The following ZBTB49 variants were observed in gnomAD, a reference collection of about 807,000 sequenced individuals.
The protein encoded by ZBTB49 is zinc finger and BTB domain containing 49.
ZBTB49 carries 43 observed loss-of-function variants against 57.5 expected under a neutral mutation model. The observed-to-expected ratio is 0.75, with a 90% CI of 0.59 to 0.97. ZBTB49 has a LOEUF of 0.97. ZBTB49 is among the 50% of genes least tolerant of loss of function. The pLI is 0.00. For missense variants in ZBTB49, 938 were observed against 947.7 expected (o/e 0.99, Z 0.13); for synonymous variants, 369 against 362.1 (o/e 1.02, Z -0.22).
chr4:4,300,880 T>A (rs1560106827), intron 2 of ZBTB49, among the ~76,000 whole-genome samples: 1 of 152,136 alleles, frequency 6.6e-6, no homozygotes, highest in Non-Finnish European at 1.5e-5. Flanking sequence ...CTTTTTTTTT[T>A]AAAGTACTTT....
chr4:4,313,081 A>G lies in ZBTB49; in HGVS notation c.1343A>G (p.Glu448Gly). 6.2e-7 allele frequency: 1 copy of G among 1,614,226 alleles called. No homozygotes were observed. Residue 448 changes from glutamate to glycine, a missense_variant, in exon 5 of 8, where the codon GAA (glutamate) becomes GGA (glycine). Physicochemically the swap from Glu to Gly is moderately conservative, Grantham distance 98 (BLOSUM62 -2). Around this residue, in one of 3 missense-constraint regions of ZBTB49, gnomAD observed 835 missense variants for 819.1 expected, o/e 1.02. Coordinates refer to ENST00000337872, the MANE Select transcript of ZBTB49 (RefSeq NM_145291.4). ...ACTCACTTACGACGGCATTCTGGTG[A>G]AAAACCATACATCTGCGAGATCTGT... Reference protein sequence around the residue: ...LQTHLRRHSGEKPYICEICGK... With the variant: ...LQTHLRRHSGGKPYICEICGK...
intron 4 of ZBTB49, among the ~76,000 whole-genome samples, chr4:4,312,308 T>C (rs1721009781): frequency 6.6e-6 from 1 of 152,236 alleles, no homozygotes; most frequent in African/African-American, 2.4e-5. Flanking sequence ...TTTTTAAATA[T>C]CTGAGGCATT....
chr4:4,317,798 G>A (rs971391808), intron 7 of ZBTB49, among the ~76,000 whole-genome samples: 1 of 152,104 alleles, frequency 6.6e-6, no homozygotes, highest in South Asian at 2.1e-4. Flanking sequence ...TCTCAAGTCT[G>A]CCTTCCCTGT....
chr4:4,306,817 T>C (rs76783116), intron 4 of ZBTB49, among the ~76,000 whole-genome samples: 1 of 152,222 alleles, frequency 6.6e-6, no homozygotes, highest in South Asian at 2.1e-4. Context: ...TTCACCGCCA[T>C]GTGCAGTGCC....
In ZBTB49 at chr4:4,302,541, A is replaced by G. The variant is rs752216577; in HGVS notation, c.705A>G (p.Arg235=). ...HKHAAGPSQE[R]VVEQPFAFST... Reference sequence around the variant, plus strand: ...ACGCAGCTGGTCCCAGTCAGGAGAGAGTTGTTGAGCAGCCTTTTGCTTTCA... The same window carrying G: ...ACGCAGCTGGTCCCAGTCAGGAGAGGGTTGTTGAGCAGCCTTTTGCTTTCA... The change falls in exon 3 of 8, where the codon AGA becomes AGG. Residue 235 remains arginine, a synonymous_variant. Coordinates refer to ENST00000337872, the MANE Select transcript of ZBTB49 (RefSeq NM_145291.4). The G allele has an allele frequency of 2.5e-6, 4 of 1,614,010 alleles. No individual in the cohort carries two copies. The highest frequency in any genetic ancestry group is 1.1e-5 in the South Asian group (1 of 91,066).
intron 5 of ZBTB49, among the ~76,000 whole-genome samples, chr4:4,314,369 T>A (rs1003748850): frequency 7.9e-5 from 12 of 152,190 alleles, no homozygotes; most frequent in Non-Finnish European, 1.5e-4. Context: ...TGTGTTTATT[T>A]TTTATTTATT....
intron 4 of ZBTB49, among the ~76,000 whole-genome samples, chr4:4,311,336 C>T (rs1720973188): frequency 6.6e-6 from 1 of 152,204 alleles, no homozygotes; most frequent in African/African-American, 2.4e-5. Flanking sequence ...AACAGTTCAG[C>T]AGATGGTGCT....
rs1165343841 is a variant in ZBTB49, at chr4:4,302,034, C to T, written c.198C>T (p.His66=). The T allele has an allele frequency of 1.3e-6, 2 of 1,590,784 alleles. No individual in the cohort carries two copies. The highest frequency in any genetic ancestry group is 4.5e-5 in the East Asian group (2 of 44,462). ...CAAGCCAGAAGAATGATGTTTTTCA[C>T]TTGGATGTTAAAAATGTCAGTGGCA... ...NSSSQKNDVF[H]LDVKNVSGIG... Residue 66 remains histidine (H), a synonymous_variant, in exon 3 of 8, where the codon CAC becomes CAT. Transcript: ENST00000337872.
rs973633581 is a variant in ZBTB49 at position 4,297,296 on chromosome 4, C to T, written c.-19-2631C>T. On this transcript the variant is annotated intron_variant, in intron 1 of 7. Transcript: ENST00000337872. ...TGTTGGCCAGGCTGGTCTCGAACTC[C>T]TGACCTCAGGTGATCCCCCCACCTC... 2.7e-4 allele frequency among the ~76,000 whole-genome samples: 41 copies of T among 152,278 alleles called. 1 individual carries two copies. Among genetic ancestry groups the T allele is most frequent in the African/African-American group, 8.7e-4 (36 of 41,562 alleles).
intron 1 of ZBTB49, among the ~76,000 whole-genome samples, chr4:4,293,653 C>T (rs1224054584): frequency 1.3e-5 from 2 of 152,224 alleles, no homozygotes; most frequent in Non-Finnish European, 2.9e-5. Flanking sequence ...CTGAGAAATT[C>T]TTCAATTCTA....
intron 7 of ZBTB49, among the ~76,000 whole-genome samples, chr4:4,317,694 T>C (rs1323129531): frequency 6.6e-6 from 1 of 152,064 alleles, no homozygotes; most frequent in Non-Finnish European, 1.5e-5. Flanking sequence ...ACAGTTCTCT[T>C]TTAAGAGGGT....
At position 4,295,871 on chromosome 4, in the gene ZBTB49, G is replaced by A. The variant is rs181423571; in HGVS notation, c.-19-4056G>A. ...GTCTCGATTTGATAGGTGAGGTGAT[G>A]GGGGATGAAATTTAGAGATTCTACA... On this transcript the variant is annotated intron_variant, in intron 1 of 7. Coordinates refer to ENST00000337872, the MANE Select transcript of ZBTB49 (RefSeq NM_145291.4). 9.8e-5 allele frequency among the ~76,000 whole-genome samples: 15 copies of A among 152,304 alleles called. No homozygotes were observed. The East Asian group carries it at 2.7e-3, about 27-fold the overall frequency.
At chr4:4,313,217 G>C in intron 5 of ZBTB49, 103 bp downstream of exon 5, 1 of 1,329,962 alleles carries the variant, frequency 7.5e-7, no homozygotes, top group Non-Finnish European at 1.0e-6. Context: ...ATGAGCCACA[G>C]GTGGGCTCAC....
At chr4:4,298,193 T>A (rs1461541118) in intron 1 of ZBTB49, among the ~76,000 whole-genome samples, 1 of 152,218 alleles carries the variant, frequency 6.6e-6, no homozygotes, top group African/African-American at 2.4e-5. Flanking sequence ...GTGGTGGAAC[T>A]AGGTCTCCAA....
At chr4:4,314,935 A>G (rs1308176946) in intron 5 of ZBTB49, among the ~76,000 whole-genome samples, 2 of 152,220 alleles carry the variant, frequency 1.3e-5, no homozygotes, top group Non-Finnish European at 2.9e-5. Flanking sequence ...TCACCTGCAC[A>G]CAGCATCTGC....
rs772144483 is a variant in ZBTB49 at position 4,302,752 on chromosome 4, G to A, written c.916G>A (p.Ala306Thr). ...TGTCAAGCAGATGAGGCTCAAAAAGGCCATTCATCTGAAGAAGCTCAATTT... is the reference window on the plus strand; with the variant it reads ...TGTCAAGCAGATGAGGCTCAAAAAGACCATTCATCTGAAGAAGCTCAATTT... ...QPVKQMRLKK[A>T]IHLKKLNFLK... is the part of the protein sequence containing the mutation. Residue 306 changes from alanine to threonine, a missense_variant, in exon 3 of 8, where the codon GCC becomes ACC. Physicochemically the swap from Ala to Thr is moderately conservative, Grantham distance 58. Around this residue, in one of 3 missense-constraint regions of ZBTB49, gnomAD observed 835 missense variants for 819.1 expected, o/e 1.02. Coordinates refer to ENST00000337872, the MANE Select transcript of ZBTB49 (RefSeq NM_145291.4). 5 of 1,614,102 alleles carry A rather than the reference G, an allele frequency of 3.1e-6. No homozygotes were observed. The highest frequency in any genetic ancestry group is 1.7e-5 in the Admixed American group (1 of 60,012).
rs760091551 is a variant in ZBTB49, at chr4:4,302,715, A to G, written c.879A>G (p.Thr293=). ...CCCCACACCCTGAGTCAGACGCCAC[A>G]TGCCAACAACCTGTCAAGCAGATGA... The part of the protein sequence containing the change: ...DSAPHPESDA[T]CQQPVKQMRL... The change falls in exon 3 of 8, where the codon ACA becomes ACG. Residue 293 remains threonine (T), a synonymous_variant. Transcript: ENST00000337872. 11 of 1,613,442 alleles carry G rather than the reference A, an allele frequency of 6.8e-6. No individual in the cohort carries two copies. The African/African-American group carries it at 8.0e-5, about 12-fold the overall frequency.
chr4:4,300,143 A>G lies in ZBTB49; in HGVS notation c.152+46A>G, dbSNP rs1720413184. On this transcript the variant is annotated intron_variant, in intron 2 of 7. Transcript: ENST00000337872. ...TCTCCTAGCTGTGAATTAAGGGTAA[A>G]GCTCTTTTAGTATGGAAGTATTCAT... The G allele has an allele frequency of 1.9e-6, 3 of 1,600,064 alleles. No homozygotes were observed. The East Asian group carries it at 6.7e-5, about 36-fold the overall frequency.
rs569307730 is a variant in ZBTB49 at position 4,302,825 on chromosome 4, A to G, written c.989A>G (p.Asp330Gly). The G allele has an allele frequency of 3.1e-6, 5 of 1,614,078 alleles. No homozygotes were observed. The highest frequency in any genetic ancestry group is 2.7e-5 in the African/African-American group (2 of 75,052). The change falls in exon 3 of 8, where the codon GAT becomes GGT. Residue 330 changes from aspartate to glycine, a missense_variant. Asp to Gly is a moderately conservative substitution (Grantham distance 94). Coordinates refer to ENST00000337872, the MANE Select transcript of ZBTB49 (RefSeq NM_145291.4). ...GAGCAAGTATCTGAACCCAAGTCAG[A>G]TGATGGTTTGACAAAGAGGTTGGAA... is the stretch of plus-strand genomic sequence containing the variant. ...YAEQVSEPKS[D>G]DGLTKRLESA...
Sources: gnomAD v4.1 joint callset for allele counts (sites outside exome capture counted in the v4.1 genomes callset) on GRCh38, gnomAD v4.1.1 for gene constraint, gnomAD v4.1.1 regional missense constraint, MANE v1.5 for transcripts, NCBI Gene and HGNC (gene_info 2026-07-23, HGNC 2026-07-21) for gene names.